The following CTNNA3 variants were observed in gnomAD, a reference collection of about 807,000 sequenced individuals.
The protein encoded by CTNNA3 is catenin alpha-3.
In CTNNA3, 76 loss-of-function variants were observed where a neutral mutation model predicts 95.7. The observed-to-expected ratio is 0.79, with a 90% CI of 0.66 to 0.96. CTNNA3 has a LOEUF of 0.96. Ranked by LOEUF, CTNNA3 falls within the 40% of genes least tolerant of loss-of-function variation. CTNNA3 has a pLI of 0.00. For missense variants in CTNNA3, 1,191 were observed against 1,089.8 expected, an observed-to-expected ratio of 1.09 and a Z score of -1.31; for synonymous variants, 431 against 374.4, an observed-to-expected ratio of 1.15 and a Z score of -1.74.
chr10:67,557,894 T>C lies in CTNNA3; in HGVS notation c.293-18225A>G, dbSNP rs186335737. Among the ~76,000 whole-genome samples, 380 of 152,266 alleles carry C rather than the reference T, an allele frequency of 2.5e-3. 2 individuals are homozygous for C. The highest frequency in any genetic ancestry group is 8.1e-4 in the Non-Finnish European group (55 of 68,018). On this transcript the variant is annotated intron_variant, in intron 3 of 17. Coordinates refer to ENST00000433211, the MANE Select transcript of CTNNA3 (RefSeq NM_013266.4). ...TAGGAACTGGGCCTGAGAAACTCTGTCAGGGCTGCCCTAAAAGAACAAATG... is the reference window on the plus strand; with the variant it reads ...TAGGAACTGGGCCTGAGAAACTCTGCCAGGGCTGCCCTAAAAGAACAAATG...
chr10:67,056,851 G>T (rs1484730069), intron 7 of CTNNA3, among the ~76,000 whole-genome samples: 1 of 152,176 alleles, frequency 6.6e-6, no homozygotes, highest in Non-Finnish European at 1.5e-5. Flanking sequence ...ATCACCTCAG[G>T]AAGGTGCATA....
intron 1 of CTNNA3, among the ~76,000 whole-genome samples, chr10:67,741,385 A>T (rs1181619717): frequency 1.3e-5 from 2 of 150,320 alleles, no homozygotes; most frequent in Non-Finnish European, 3.0e-5. Context: ...TTCAACCCAG[A>T]ATTTCATATC....
chr10:67,388,245 G>A (rs1417999725), intron 5 of CTNNA3, among the ~76,000 whole-genome samples: 6 of 121,776 alleles, frequency 4.9e-5, no homozygotes, highest in African/African-American at 1.3e-4. Flanking sequence ...ACCAAGGCTC[G>A]AGAACTACGT....
chr10:67,059,960 TTG>T (rs1855664934), intron 7 of CTNNA3, among the ~76,000 whole-genome samples: 1 of 152,018 alleles, frequency 6.6e-6, no homozygotes, highest in Non-Finnish European at 1.5e-5. Context: ...TACAAATATG[TTG>T]AGGGAGATAA....
intron 3 of CTNNA3, among the ~76,000 whole-genome samples, chr10:67,566,068 T>TC (rs1272929904): frequency 9.9e-6 from 1 of 101,264 alleles, no homozygotes; most frequent in Non-Finnish European, 2.0e-5. Flanking sequence ...TATATATATA[T>TC]ATATACAAAA....
chr10:67,391,884 C>T (rs1458473322), intron 5 of CTNNA3, among the ~76,000 whole-genome samples: 1 of 151,214 alleles, frequency 6.6e-6, no homozygotes. Context: ...CCCTTCCTTA[C>T]ACCTTATACA....
chr10:65,993,209 AT>A (rs2078580153), intron 15 of CTNNA3, among the ~76,000 whole-genome samples: 1 of 152,246 alleles, frequency 6.6e-6, no homozygotes, highest in South Asian at 2.1e-4. Flanking sequence ...AAAAATGTAT[AT>A]TCTACAACTG....
At chr10:66,534,469 CATATATATATATATATAT>C (rs58455418) in intron 10 of CTNNA3, among the ~76,000 whole-genome samples, 8,905 of 146,900 alleles carry the variant, frequency 0.061, 818 homozygotes, top group African/African-American at 0.2. Flanking sequence ...TTATAAAAAT[CATATATATATATATATAT>C]ATATATATAT....
chr10:67,507,105 C>G (rs1489585613), intron 5 of CTNNA3, among the ~76,000 whole-genome samples: 1 of 152,146 alleles, frequency 6.6e-6, no homozygotes, highest in African/African-American at 2.4e-5. Context: ...TTAAAAAAGA[C>G]TCCTGTGAAC....
chr10:66,376,931 A>T (rs1016836973), intron 12 of CTNNA3, among the ~76,000 whole-genome samples: 7 of 152,170 alleles, frequency 4.6e-5, no homozygotes, highest in African/African-American at 1.7e-4. Context: ...ATTCTGGAGG[A>T]TAGAGTAGTG....
At position 66,734,588 on chromosome 10, in the gene CTNNA3, G is replaced by T. The variant is rs576724150; in HGVS notation, c.1281+31676C>A. 3.9e-5 allele frequency among the ~76,000 whole-genome samples: 6 copies of T among 152,238 alleles called. No individual in the cohort carries two copies. In the South Asian group the frequency reaches 6.2e-4, roughly 16 times the overall value. The stretch of plus-strand genomic sequence containing the variant: ...ACATTATGAATTTTATTACAGCCAG[G>T]CATGGTGGCTCACACCTGTAATCCC... On this transcript the variant is annotated intron_variant, in intron 9 of 17. Coordinates refer to ENST00000433211, the MANE Select transcript of CTNNA3 (RefSeq NM_013266.4).
chr10:67,473,570 A>G (rs1847905354), intron 5 of CTNNA3, among the ~76,000 whole-genome samples: 1 of 152,244 alleles, frequency 6.6e-6, no homozygotes, highest in African/African-American at 2.4e-5. Flanking sequence ...GAGTCTAAGT[A>G]TACCTTTGCA....
intron 11 of CTNNA3, 23 bp from the exon 12 acceptor site, chr10:66,379,375 A>C (rs1160615555): frequency 6.3e-7 from 1 of 1,585,708 alleles, no homozygotes; most frequent in Non-Finnish European, 8.7e-7. Context: ...GAATCAAATT[A>C]GTTTTTGCGT....
chr10:66,640,010 T>C lies in CTNNA3; in HGVS notation c.1282-18226A>G, dbSNP rs371273097. Among the ~76,000 whole-genome samples the C allele has an allele frequency of 3.9e-4, 60 of 152,312 alleles. No homozygotes were observed. The East Asian group carries it at 6.4e-3, about 16-fold the overall frequency. On this transcript the variant is annotated intron_variant, in intron 9 of 17. Transcript: ENST00000433211. ...TAGCTACATACATGCAGATATATTT[T>C]ACTTTAAGTGTTCAGAAATCTTATT...
chr10:67,281,025 G>A (rs1839379550), intron 5 of CTNNA3, among the ~76,000 whole-genome samples: 1 of 151,776 alleles, frequency 6.6e-6, no homozygotes, highest in Admixed American at 6.6e-5. Flanking sequence ...ACAAAACACA[G>A]CAATTCTACA....
intron 12 of CTNNA3, among the ~76,000 whole-genome samples, chr10:66,317,431 T>C (rs779185398): frequency 9.9e-5 from 15 of 152,054 alleles, no homozygotes; most frequent in Non-Finnish European, 1.9e-4. Context: ...CCCAGCACTT[T>C]GGGAGGCCGA....
chr10:66,305,611 G>T (rs2091922728), intron 12 of CTNNA3, among the ~76,000 whole-genome samples: 1 of 152,126 alleles, frequency 6.6e-6, no homozygotes, highest in Non-Finnish European at 1.5e-5. Context: ...TGCTTTCATG[G>T]TGAAGTCTTC....
chr10:67,121,460 T>C (rs1274011272), intron 7 of CTNNA3, among the ~76,000 whole-genome samples: 1 of 152,022 alleles, frequency 6.6e-6, no homozygotes, highest in East Asian at 1.9e-4. Flanking sequence ...AAAGAGATGG[T>C]TAGCCTCTAT....
intron 7 of CTNNA3, chr10:66,926,645 G>C (rs930816371): frequency 1.9e-6 from 3 of 1,573,004 alleles, no homozygotes; most frequent in Non-Finnish European, 1.7e-6. Context: ...AAAACCTCTA[G>C]TGTGTGTAAT....
Sources: gnomAD v4.1 joint callset for allele counts (sites outside exome capture counted in the v4.1 genomes callset) on GRCh38, gnomAD v4.1.1 for gene constraint, MANE v1.5 for transcripts, NCBI Gene and HGNC (gene_info 2026-07-23, HGNC 2026-07-21) for gene names.